TCF7L1: variants seen among roughly 807,000 people sequenced by gnomAD.
The protein encoded by TCF7L1 is transcription factor 7-like 1.
A neutral mutation model predicts 63.7 loss-of-function variants in TCF7L1; 18 were observed. That is an observed-to-expected ratio of 0.28 (90% CI 0.20 to 0.42). The LOEUF (loss-of-function observed/expected upper bound fraction) is 0.42. TCF7L1 is among the 10% of genes least tolerant of loss of function. TCF7L1 has a pLI of 1.00. For synonymous variants in TCF7L1, 355 were observed against 340.9 expected (o/e 1.04, Z -0.46); for missense variants, 654 against 779.3 (o/e 0.84, Z 1.91).
At chr2:85,140,618 GT>G (rs1337484847) in intron 3 of TCF7L1, among the ~76,000 whole-genome samples, 3 of 45,402 alleles carry the variant, frequency 6.6e-5, no homozygotes, top group African/African-American at 4.4e-4. Flanking sequence ...GGCAAACACA[GT>G]GGAAACCCTG....
intron 3 of TCF7L1, chr2:85,167,160 A>C (rs148586693): frequency 1.6e-4 from 25 of 152,384 alleles, no homozygotes; most frequent in Admixed American, 1.3e-3. Flanking sequence ...CTTTATAGTC[A>C]GAGATAACGC....
At chr2:85,285,180 C>T (rs555876468) in intron 4 of TCF7L1, among the ~76,000 whole-genome samples, 5 of 152,168 alleles carry the variant, frequency 3.3e-5, no homozygotes, top group Admixed American at 6.5e-5. Flanking sequence ...TGATAGTGAG[C>T]CGAGATCGCG....
At chr2:85,154,540 T>A (rs978233110) in intron 3 of TCF7L1, among the ~76,000 whole-genome samples, 1 of 152,168 alleles carries the variant, frequency 6.6e-6, no homozygotes, top group African/African-American at 2.4e-5. Flanking sequence ...CCCCTCCACC[T>A]ACTCCCCGTC....
At chr2:85,305,036 C>T (rs1377885901) in intron 7 of TCF7L1, among the ~76,000 whole-genome samples, 1 of 152,176 alleles carries the variant, frequency 6.6e-6, no homozygotes, top group Non-Finnish European at 1.5e-5. Context: ...CCACCTGCTT[C>T]CAGCACCAGA....
At chr2:85,214,249 G>C (rs1239756700) in intron 3 of TCF7L1, among the ~76,000 whole-genome samples, 1 of 152,194 alleles carries the variant, frequency 6.6e-6, no homozygotes, top group African/African-American at 2.4e-5. Context: ...AACACAGCTT[G>C]TTACTACCAG....
At chr2:85,175,634 A>T (rs1678663160) in intron 3 of TCF7L1, among the ~76,000 whole-genome samples, 1 of 152,242 alleles carries the variant, frequency 6.6e-6, no homozygotes. Flanking sequence ...CCAGTAGCAG[A>T]TAACTCAGTT....
At position 85,134,492 on chromosome 2, in the gene TCF7L1, G is replaced by A. The variant is rs1434282094; in HGVS notation, c.441+42G>A. 7 of 1,543,138 alleles carry A rather than the reference G, an allele frequency of 4.5e-6. 1 individual carries two copies. The highest frequency in any genetic ancestry group is 4.3e-4 in the Middle Eastern group (2 of 4,618). ...CGCGCCGGGGAGGGTGGGAGGCCGCGGCCCGCAGGATGCGCCCCCGGGCTT... is the reference window on the plus strand; with the variant it reads ...CGCGCCGGGGAGGGTGGGAGGCCGCAGCCCGCAGGATGCGCCCCCGGGCTT... On this transcript the variant is annotated intron_variant, in intron 3 of 11. Coordinates refer to ENST00000282111, the MANE Select transcript of TCF7L1 (RefSeq NM_031283.3). The surrounding 1 kb of genome is among the most constrained non-coding windows in gnomAD (Gnocchi z 5.0).
At chr2:85,180,210 GT>G (rs573746276) in intron 3 of TCF7L1, among the ~76,000 whole-genome samples, 1,923 of 144,456 alleles carry the variant, frequency 0.013, 21 homozygotes, top group Non-Finnish European at 0.018. Context: ...CTGCAAAGTG[GT>G]TTTTTTTTTT....
intron 3 of TCF7L1, among the ~76,000 whole-genome samples, chr2:85,148,666 T>C (rs1474033268): frequency 6.6e-6 from 1 of 152,092 alleles, no homozygotes; most frequent in Non-Finnish European, 1.5e-5. Flanking sequence ...AAATTAGAAA[T>C]GTTACCAAAA....
At chr2:85,173,805 C>T (rs955208424) in intron 3 of TCF7L1, among the ~76,000 whole-genome samples, 43 of 152,046 alleles carry the variant, frequency 2.8e-4, no homozygotes, top group Non-Finnish European at 4.9e-4. Flanking sequence ...GGCGCGATCT[C>T]GGCTCACTGC....
intron 3 of TCF7L1, among the ~76,000 whole-genome samples, chr2:85,256,005 G>A (rs1414360668): frequency 6.6e-6 from 1 of 152,200 alleles, no homozygotes; most frequent in East Asian, 1.9e-4. Flanking sequence ...CAAATGGGAG[G>A]TTAATGTGCA....
intron 3 of TCF7L1, among the ~76,000 whole-genome samples, chr2:85,137,685 G>A (rs1677626536): frequency 6.6e-6 from 1 of 152,112 alleles, no homozygotes; most frequent in African/African-American, 2.4e-5. Flanking sequence ...CTGAGGTCGG[G>A]AGTTCGAGAC....
At chr2:85,219,164 T>A (rs1278476215) in intron 3 of TCF7L1, among the ~76,000 whole-genome samples, 2 of 151,976 alleles carry the variant, frequency 1.3e-5, no homozygotes, top group African/African-American at 4.8e-5. Context: ...AAAAACAATT[T>A]TTTTTCCCCA....
rs150174470 is a variant in TCF7L1 at position 85,192,426 on chromosome 2, C to T, written c.441+57976C>T. 2.2e-3 allele frequency among the ~76,000 whole-genome samples: 339 copies of T among 152,140 alleles called. 1 individual carries two copies. The highest frequency in any genetic ancestry group is 7.8e-3 in the African/African-American group (325 of 41,492). ...TATTTATTTTTTTGAGACAGAGTCC[C>T]GATCTGTTGCCCAGGCAGTGGTGTG... On this transcript the variant is annotated intron_variant, in intron 3 of 11. Transcript: ENST00000282111.
At chr2:85,180,946 G>C (rs922839029) in intron 3 of TCF7L1, among the ~76,000 whole-genome samples, 1 of 152,184 alleles carries the variant, frequency 6.6e-6, no homozygotes, top group African/African-American at 2.4e-5. Context: ...CCTTCCTAAG[G>C]GCCCCTAACA....
intron 4 of TCF7L1, 33 bp from the exon 5 acceptor site, chr2:85,302,451 G>T (rs1682003690): frequency 6.2e-7 from 1 of 1,613,706 alleles, no homozygotes; most frequent in African/African-American, 1.3e-5. Flanking sequence ...CATCTCCTTG[G>T]CAACCATTCC....
intron 4 of TCF7L1, among the ~76,000 whole-genome samples, chr2:85,292,999 A>AG (rs1392753757): frequency 2.6e-5 from 4 of 152,222 alleles, no homozygotes; most frequent in African/African-American, 4.8e-5. Context: ...TAGCTTGTTA[A>AG]GGGGGAGGTT....
At chr2:85,240,124 G>A (rs2104322999) in intron 3 of TCF7L1, among the ~76,000 whole-genome samples, 1 of 152,350 alleles carries the variant, frequency 6.6e-6, no homozygotes, top group South Asian at 2.1e-4. Context: ...TGTTCCGTGT[G>A]TGTTTCCTGT....
intron 3 of TCF7L1, among the ~76,000 whole-genome samples, chr2:85,164,986 A>G (rs1208720059): frequency 1.7e-4 from 26 of 152,210 alleles, no homozygotes; most frequent in African/African-American, 2.4e-5. Context: ...TATTTTGATA[A>G]CTGCATTTTA....
Sources: gnomAD v4.1 joint callset for allele counts (sites outside exome capture counted in the v4.1 genomes callset) on GRCh38, gnomAD v4.1.1 for gene constraint, Gnocchi (gnomAD v3.1) non-coding constraint, MANE v1.5 for transcripts, NCBI Gene and HGNC (gene_info 2026-07-23, HGNC 2026-07-21) for gene names.